Variants in KCND3 observed in about 807,000 individuals in gnomAD.
KCND3 encodes A-type voltage-gated potassium channel KCND3.
KCND3 carries 9 observed loss-of-function variants against 51.1 expected under a neutral mutation model. The ratio of observed to expected loss-of-function variants is 0.18; its 90% CI spans 0.11 to 0.31. The LOEUF (loss-of-function observed/expected upper bound fraction) is 0.31. Among genes scored for constraint, KCND3 ranks in the 10% least tolerant of loss-of-function variants. The pLI, the probability that KCND3 is intolerant of heterozygous loss-of-function variation, is 1.00. For synonymous variants in KCND3, 349 were observed against 368.0 expected (o/e 0.95, Z 0.59); for missense variants, 526 against 903.8 (o/e 0.58, Z 5.36).
chr1:111,946,856 T>C (rs1672803162), intron 2 of KCND3, among the ~76,000 whole-genome samples: 1 of 152,178 alleles, frequency 6.6e-6, no homozygotes, highest in African/African-American at 2.4e-5. Context: ...CAATAACAAA[T>C]GCATAAGAAA....
intron 2 of KCND3, among the ~76,000 whole-genome samples, chr1:111,881,291 G>A (rs1218230834): frequency 1.3e-5 from 2 of 152,204 alleles, no homozygotes; most frequent in Non-Finnish European, 2.9e-5. Context: ...TCTGAGCACA[G>A]GCGTGAGCTC....
chr1:111,875,984 T>C (rs1305389415), intron 2 of KCND3, among the ~76,000 whole-genome samples: 1 of 152,206 alleles, frequency 6.6e-6, no homozygotes. Context: ...TTGTCTGCTG[T>C]TTTCCTTCTC....
At chr1:111,794,883 G>A (rs1014782603) in intron 2 of KCND3, among the ~76,000 whole-genome samples, 11 of 152,110 alleles carry the variant, frequency 7.2e-5, no homozygotes, top group South Asian at 2.1e-4. Context: ...TAAGTAATAC[G>A]CCCAAGGTCA....
intron 2 of KCND3, among the ~76,000 whole-genome samples, chr1:111,969,421 G>T (rs947402361): frequency 1.3e-5 from 2 of 152,154 alleles, no homozygotes; most frequent in African/African-American, 4.8e-5. Context: ...GCTCCCAAAT[G>T]CCTCCAGTGG....
chr1:111,868,253 GC>G (rs1668667273), intron 2 of KCND3, among the ~76,000 whole-genome samples: 1 of 152,158 alleles, frequency 6.6e-6, no homozygotes. Flanking sequence ...GCTCCAACCT[GC>G]CCGGGATGAG....
chr1:111,810,695 C>A (rs1002129708), intron 2 of KCND3, among the ~76,000 whole-genome samples: 1 of 152,224 alleles, frequency 6.6e-6, no homozygotes, highest in Non-Finnish European at 1.5e-5. Flanking sequence ...CTCCAGGACT[C>A]CAAGGAGCTG....
intron 2 of KCND3, among the ~76,000 whole-genome samples, chr1:111,958,471 CT>C (rs1673453585): frequency 6.6e-6 from 1 of 152,172 alleles, no homozygotes; most frequent in Non-Finnish European, 1.5e-5. Context: ...ACTTAGTTCT[CT>C]GATGTATGAC....
intron 2 of KCND3, among the ~76,000 whole-genome samples, chr1:111,825,806 T>G (rs1345863891): frequency 6.6e-6 from 1 of 152,174 alleles, no homozygotes; most frequent in Non-Finnish European, 1.5e-5. Flanking sequence ...TCTACATGGA[T>G]GCATTCTGAT....
chr1:111,985,649 G>T (rs1441240018), intron 1 of KCND3, among the ~76,000 whole-genome samples: 1 of 152,226 alleles, frequency 6.6e-6, no homozygotes, highest in Admixed American at 6.5e-5. Context: ...TTTCTCCAGA[G>T]TAAAATCTGA....
chr1:111,838,360 T>C (rs1667163511), intron 2 of KCND3, among the ~76,000 whole-genome samples: 1 of 152,232 alleles, frequency 6.6e-6, no homozygotes, highest in Non-Finnish European at 1.5e-5. Context: ...TCCATTAACA[T>C]GGCTTCTATC....
chr1:111,832,065 A>G (rs959677772), intron 2 of KCND3, among the ~76,000 whole-genome samples: 1 of 152,110 alleles, frequency 6.6e-6, no homozygotes. Flanking sequence ...CAGCCTCTCT[A>G]CTTGCCTCCC....
chr1:111,834,342 G>A (rs186639458), intron 2 of KCND3, among the ~76,000 whole-genome samples: 1 of 152,306 alleles, frequency 6.6e-6, no homozygotes, highest in Admixed American at 6.5e-5. Flanking sequence ...CCTTTCTGCT[G>A]AGAAGAGCTT....
chr1:111,819,442 C>A (rs1011756096), intron 2 of KCND3, among the ~76,000 whole-genome samples: 2 of 152,144 alleles, frequency 1.3e-5, no homozygotes, highest in Admixed American at 6.5e-5. Context: ...CTCTCTTCCC[C>A]TCCTCATTAA....
At chr1:111,940,024 A>G (rs1672420013) in intron 2 of KCND3, among the ~76,000 whole-genome samples, 2 of 134,818 alleles carry the variant, frequency 1.5e-5, no homozygotes, top group South Asian at 4.6e-4. Flanking sequence ...CCGAATAAAT[A>G]TCTTCTTTTG....
rs563129456 is a variant in KCND3 at position 111,951,873 on chromosome 1, C to T, written c.1106+29748G>A. 1.3e-4 allele frequency among the ~76,000 whole-genome samples: 19 copies of T among 151,156 alleles called. No individual in the cohort carries two copies. The South Asian group carries it at 2.9e-3, about 23-fold the overall frequency. On this transcript the variant is annotated intron_variant, in intron 2 of 7. Transcript: ENST00000302127. ...CATCCAAGGTGATAGTGTGGGAAGA[C>T]GGAGAAGCAACAGCAGAGGGTCTAA...
intron 2 of KCND3, among the ~76,000 whole-genome samples, chr1:111,821,672 A>T (rs1666353225): frequency 6.6e-6 from 1 of 152,130 alleles, no homozygotes; most frequent in Non-Finnish European, 1.5e-5. Flanking sequence ...CACCACCCCC[A>T]ACTGGAGGCC....
At chr1:111,868,527 G>C (rs933784131) in intron 2 of KCND3, among the ~76,000 whole-genome samples, 11 of 152,058 alleles carry the variant, frequency 7.2e-5, no homozygotes, top group African/African-American at 2.7e-4. Flanking sequence ...GGCCTCTGGG[G>C]GTCTTGGAAT....
At chr1:111,957,311 G>A (rs949965373) in intron 2 of KCND3, among the ~76,000 whole-genome samples, 2 of 152,192 alleles carry the variant, frequency 1.3e-5, no homozygotes, top group Non-Finnish European at 2.9e-5. Flanking sequence ...CTTGGTAACT[G>A]GTTCTGTTTC....
intron 2 of KCND3, among the ~76,000 whole-genome samples, chr1:111,808,457 T>C (rs1187752296): frequency 2.0e-5 from 3 of 152,214 alleles, no homozygotes; most frequent in East Asian, 3.8e-4. Context: ...CTCTGTGCCA[T>C]GATGATGTAC....
Sources: allele counts gnomAD v4.1 joint callset (sites outside exome capture counted in the v4.1 genomes callset), GRCh38; gene constraint gnomAD v4.1.1; transcripts MANE v1.5; gene names NCBI Gene and HGNC (gene_info 2026-07-23, HGNC 2026-07-21).